Variants in MAP3K1 observed in about 807,000 individuals in gnomAD.
MAP3K1 encodes the protein MAP/ERK kinase kinase 1.
Under a neutral mutation model 144.2 loss-of-function variants are expected in MAP3K1, and 36 were observed. That is an observed-to-expected ratio of 0.25 (90% CI 0.19 to 0.33). The LOEUF is 0.33. MAP3K1 is among the 10% of genes least tolerant of loss of function. MAP3K1 has a pLI of 1.00. For synonymous variants in MAP3K1, 718 were observed against 688.7 expected (o/e 1.04, Z -0.67); for missense variants, 1,650 against 1,881.9 (o/e 0.88, Z 2.28).
At chr5:56,883,402 C>A in intron 14 of MAP3K1, 125 bp from the exon 15 acceptor site, 1 of 846,474 alleles carries the variant, frequency 1.2e-6, no homozygotes, top group Non-Finnish European at 1.9e-6. Context: ...AAATACCTTC[C>A]ATTCAGAGGT....
At chr5:56,856,568 TC>T in intron 1 of MAP3K1, 31 bp from the exon 2 acceptor site, 1 of 1,573,662 alleles carries the variant, frequency 6.4e-7, no homozygotes, top group Non-Finnish European at 8.7e-7. Flanking sequence ...TATATACATT[TC>T]TCATTTTATT....
intron 1 of MAP3K1, among the ~76,000 whole-genome samples, 200 bp downstream of exon 1, chr5:56,816,255 G>A (rs1745963552): frequency 6.6e-6 from 1 of 152,076 alleles, no homozygotes; most frequent in Non-Finnish European, 1.5e-5. Flanking sequence ...GGACCGGACG[G>A]GGACGTGCGG....
chr5:56,875,682 G>A (rs1748003068), intron 10 of MAP3K1, among the ~76,000 whole-genome samples: 1 of 151,786 alleles, frequency 6.6e-6, no homozygotes, highest in Admixed American at 6.6e-5. Flanking sequence ...ATGGCTTCAG[G>A]CTGCTAAAGC....
chr5:56,859,547 T>C (rs1747440231), intron 2 of MAP3K1, 168 bp from the exon 3 acceptor site: 1 of 604,626 alleles, frequency 1.7e-6, no homozygotes, highest in Non-Finnish European at 2.9e-6. Flanking sequence ...AAAATAATCT[T>C]TTACATTAAT....
At chr5:56,843,066 A>G (rs950446642) in intron 1 of MAP3K1, among the ~76,000 whole-genome samples, 1 of 152,272 alleles carries the variant, frequency 6.6e-6, no homozygotes, top group South Asian at 2.1e-4. Flanking sequence ...TTTGTTGTAG[A>G]TGCAACACGT....
At chr5:56,884,001 C>T (rs538322931) in intron 15 of MAP3K1, among the ~76,000 whole-genome samples, 35 of 151,812 alleles carry the variant, frequency 2.3e-4, no homozygotes, top group African/African-American at 4.8e-4. Flanking sequence ...ATACAAAAAT[C>T]GGCCGGGCAG....
In MAP3K1 at chr5:56,864,739, G is replaced by C. The variant is rs925876038; in HGVS notation, c.840G>C (p.Gln280His). The C allele has an allele frequency of 9.9e-6, 16 of 1,614,024 alleles. No individual in the cohort carries two copies. The highest frequency in any genetic ancestry group is 1.4e-5 in the Non-Finnish European group (16 of 1,179,964). Residue 280 changes from glutamine (Q) to histidine (H), a missense_variant, in exon 4 of 20, where the codon CAG becomes CAC. Coordinates refer to ENST00000399503, the MANE Select transcript of MAP3K1 (RefSeq NM_005921.2). ...RRKRVSPVPF[Q>H]SGRITPPRRA... ...TAAAAAAAAATGTTGTGAAGTTTCA[G>C]AGTGGCAGAATCACACCACCCCGAA... is the stretch of plus-strand genomic sequence containing the variant.
chr5:56,849,754 GTTTGGT>G (rs67216359), intron 1 of MAP3K1, among the ~76,000 whole-genome samples: 70,516 of 151,356 alleles, frequency 0.47, 19,741 homozygotes, highest in Non-Finnish European at 0.64. Context: ...GATAAAGATG[GTTTGGT>G]TTTGGTTTTG....
chr5:56,833,110 TC>T (rs1277680770), intron 1 of MAP3K1, among the ~76,000 whole-genome samples: 1 of 152,220 alleles, frequency 6.6e-6, no homozygotes, highest in Non-Finnish European at 1.5e-5. Context: ...GACCTTGTGA[TC>T]CGCCTGCCTC....
chr5:56,816,222 C>CGGCG (rs1365079255), intron 1 of MAP3K1, among the ~76,000 whole-genome samples, 167 bp downstream of exon 1: 1 of 152,082 alleles, frequency 6.6e-6, no homozygotes, highest in African/African-American at 2.4e-5. Flanking sequence ...CGGAGTCGGG[C>CGGCG]GGCGCCCCGG....
At chr5:56,840,017 A>G (rs1057321100) in intron 1 of MAP3K1, among the ~76,000 whole-genome samples, 5 of 152,372 alleles carry the variant, frequency 3.3e-5, no homozygotes, top group African/African-American at 1.2e-4. Context: ...GAAATATGCC[A>G]TAGAAACTTT....
At chr5:56,871,645 T>A (rs1419685894) in intron 6 of MAP3K1, among the ~76,000 whole-genome samples, 3 of 152,202 alleles carry the variant, frequency 2.0e-5, no homozygotes, top group Non-Finnish European at 4.4e-5. Flanking sequence ...TACAAATGTT[T>A]CTTTCTAAGA....
chr5:56,881,057 AT>A, intron 12 of MAP3K1, 25 bp from the exon 13 acceptor site: 1 of 1,564,104 alleles, frequency 6.4e-7, no homozygotes, highest in Non-Finnish European at 8.8e-7. Context: ...TTTTTTAATC[AT>A]TTATTTTTAC....
chr5:56,866,036 A>G, intron 6 of MAP3K1, 59 bp downstream of exon 6: 1 of 1,258,414 alleles, frequency 7.9e-7, no homozygotes, highest in Admixed American at 1.7e-5. Flanking sequence ...TTTTAGGGGT[A>G]ATTTTTTATA....
chr5:56,824,675 T>G (rs762748833), intron 1 of MAP3K1, among the ~76,000 whole-genome samples: 18 of 152,250 alleles, frequency 1.2e-4, no homozygotes, highest in Non-Finnish European at 2.1e-4. Flanking sequence ...AAGATAGTTA[T>G]AGAAAGTGTC....
At chr5:56,852,023 T>C (rs1348069143) in intron 1 of MAP3K1, 1 of 151,192 alleles carries the variant, frequency 6.6e-6, no homozygotes, top group Non-Finnish European at 1.5e-5. Context: ...TGCCGTAGAA[T>C]GGTGGTAGGA....
intron 19 of MAP3K1, among the ~76,000 whole-genome samples, chr5:56,890,352 C>T (rs548564659): frequency 5.3e-5 from 8 of 152,286 alleles, no homozygotes; most frequent in Non-Finnish European, 1.0e-4. Context: ...ATTCTCCTTC[C>T]TAGGTAGAGT....
intron 6 of MAP3K1, among the ~76,000 whole-genome samples, chr5:56,870,209 C>T (rs139493378): frequency 1.4e-4 from 22 of 152,222 alleles, no homozygotes; most frequent in African/African-American, 3.9e-4. Context: ...CAATATTGGG[C>T]CTAGCTTAGC....
chr5:56,816,314 T>A (rs949329091), intron 1 of MAP3K1, among the ~76,000 whole-genome samples: 2 of 151,952 alleles, frequency 1.3e-5, no homozygotes, highest in African/African-American at 4.8e-5. Flanking sequence ...CGAGCCTCTC[T>A]GCGGGGAACC....
Sources: gnomAD v4.1 joint callset for allele counts (sites outside exome capture counted in the v4.1 genomes callset) on GRCh38, gnomAD v4.1.1 for gene constraint, MANE v1.5 for transcripts, NCBI Gene and HGNC (gene_info 2026-07-23, HGNC 2026-07-21) for gene names.